The following GNG4 variants were observed in gnomAD, a reference collection of about 807,000 sequenced individuals.
GNG4 encodes the protein guanine nucleotide-binding protein G(I)/G(S)/G(O) subunit gamma-4.
In GNG4, 4 loss-of-function variants were observed where a neutral mutation model predicts 5.8. That is an observed-to-expected ratio of 0.69 (90% CI 0.34 to 1.57). The LOEUF is 1.57. GNG4 is among the 40% of genes most tolerant of loss of function. The pLI, the probability that GNG4 is intolerant of heterozygous loss-of-function variation, is 0.06. For synonymous variants in GNG4, 29 were observed against 32.9 expected, an observed-to-expected ratio of 0.88 and a Z score of 0.41; for missense variants, 96 against 95.1, an observed-to-expected ratio of 1.01 and a Z score of -0.04.
chr1:235,606,145 C>T (rs918981534), intron 1 of GNG4, among the ~76,000 whole-genome samples: 6 of 151,660 alleles, frequency 4.0e-5, no homozygotes, highest in Non-Finnish European at 5.9e-5. Flanking sequence ...ACAAGCAGAC[C>T]GAGGTGGGCG....
At chr1:235,634,921 C>T (rs1056274845) in intron 1 of GNG4, among the ~76,000 whole-genome samples, 5 of 151,458 alleles carry the variant, frequency 3.3e-5, no homozygotes, top group African/African-American at 1.2e-4. Context: ...GCGACAAGAG[C>T]AAAACTCTGT....
Position 235,580,845 on chromosome 1 carries a change from G to A in GNG4, c.99+2895C>T, listed in dbSNP as rs980878144. Among the ~76,000 whole-genome samples the A allele has an allele frequency of 2.7e-5, 4 of 149,058 alleles. No homozygotes were observed. The Admixed American group carries it at 2.8e-4, about 10-fold the overall frequency. ...GGCTCACTGCAAACTCCACCTCCTGGGTTTAAGTGATTCTTCTGCCTTAGC... is the reference window on the plus strand; with the variant it reads ...GGCTCACTGCAAACTCCACCTCCTGAGTTTAAGTGATTCTTCTGCCTTAGC... On this transcript the variant is annotated intron_variant, in intron 3 of 3. Transcript: ENST00000391854.
At chr1:235,580,208 G>A (rs1272122091) in intron 3 of GNG4, among the ~76,000 whole-genome samples, 1 of 152,212 alleles carries the variant, frequency 6.6e-6, no homozygotes, top group Non-Finnish European at 1.5e-5. Flanking sequence ...GATACCTAGT[G>A]TAGTCAGATT....
chr1:235,555,442 C>T (rs1043743552), intron 3 of GNG4, among the ~76,000 whole-genome samples: 1 of 152,176 alleles, frequency 6.6e-6, no homozygotes, highest in Non-Finnish European at 1.5e-5. Context: ...ATGCTACATG[C>T]ATCAGATGTA....
At chr1:235,635,645 C>T (rs1462369032) in intron 1 of GNG4, among the ~76,000 whole-genome samples, 1 of 32,656 alleles carries the variant, frequency 3.1e-5, no homozygotes, top group African/African-American at 1.7e-4. Context: ...CTAAATAAAC[C>T]TCTTTTCTTT....
chr1:235,589,537 C>T (rs12078759), intron 2 of GNG4, among the ~76,000 whole-genome samples: 58 of 152,274 alleles, frequency 3.8e-4, no homozygotes, highest in African/African-American at 1.3e-3. Context: ...CTTCAGCTAC[C>T]TGCCCATCCG....
At chr1:235,626,958 CAAAAAAAA>C (rs776506587) in intron 1 of GNG4, among the ~76,000 whole-genome samples, 3 of 77,354 alleles carry the variant, frequency 3.9e-5, no homozygotes, top group Admixed American at 1.4e-4. Flanking sequence ...GACTCTATCT[CAAAAAAAA>C]AAAAAAAAAA....
At chr1:235,620,011 C>T (rs1162134865) in intron 1 of GNG4, among the ~76,000 whole-genome samples, 1 of 152,146 alleles carries the variant, frequency 6.6e-6, no homozygotes, top group East Asian at 1.9e-4. Flanking sequence ...CTTTTGTGCA[C>T]AGCTATATTA....
chr1:235,568,179 C>T (rs1227471997), intron 3 of GNG4, among the ~76,000 whole-genome samples: 3 of 149,916 alleles, frequency 2.0e-5, no homozygotes, highest in African/African-American at 5.0e-5. Context: ...AAACCTATGA[C>T]TGCCTTGGCA....
chr1:235,593,214 G>A (rs968860853), intron 2 of GNG4, among the ~76,000 whole-genome samples: 1 of 152,096 alleles, frequency 6.6e-6, no homozygotes, highest in Non-Finnish European at 1.5e-5. Flanking sequence ...CTCCCAAATT[G>A]CTGGAATTCA....
intron 3 of GNG4, among the ~76,000 whole-genome samples, chr1:235,575,443 T>C (rs150523102): frequency 6.6e-6 from 1 of 152,302 alleles, no homozygotes; most frequent in East Asian, 1.9e-4. Flanking sequence ...TCACCTGAAA[T>C]TCCTCTCTTC....
At chr1:235,575,818 G>A (rs1433659907) in intron 3 of GNG4, among the ~76,000 whole-genome samples, 1 of 152,204 alleles carries the variant, frequency 6.6e-6, no homozygotes, top group Non-Finnish European at 1.5e-5. Context: ...GGCACCCTGA[G>A]GGATGGCACG....
chr1:235,569,117 G>A (rs1293448945), intron 3 of GNG4, among the ~76,000 whole-genome samples: 1 of 152,190 alleles, frequency 6.6e-6, no homozygotes, highest in African/African-American at 2.4e-5. Flanking sequence ...GTGAGCCACT[G>A]CACCTGGCCT....
chr1:235,580,759 T>G (rs1687613739), intron 3 of GNG4, among the ~76,000 whole-genome samples: 1 of 148,362 alleles, frequency 6.7e-6, no homozygotes, highest in Non-Finnish European at 1.5e-5. Context: ...TTTTTTTTTT[T>G]TTTTTTCCTG....
chr1:235,640,315 T>C (rs1015083181), intron 1 of GNG4, among the ~76,000 whole-genome samples: 3 of 152,100 alleles, frequency 2.0e-5, no homozygotes, highest in Non-Finnish European at 2.9e-5. Flanking sequence ...ATCATTTGGT[T>C]CAATGCATCT....
intron 1 of GNG4, among the ~76,000 whole-genome samples, chr1:235,632,217 G>T (rs1688945822): frequency 6.6e-6 from 1 of 152,130 alleles, no homozygotes; most frequent in South Asian, 2.1e-4. Context: ...TTCCTGAGGA[G>T]CTGGGATTAC....
At position 235,597,630 on chromosome 1, in the gene GNG4, A is replaced by G. The variant is rs35553457; in HGVS notation, c.-122-2119T>C. Among the ~76,000 whole-genome samples, 243 of 35,390 alleles carry G rather than the reference A, an allele frequency of 6.9e-3. 1 individual carries two copies. The highest frequency in any genetic ancestry group is 0.018 in the African/African-American group (195 of 10,668). The allele number at this position is 35,390 out of a possible 152,430, so 23.2% of individuals were successfully genotyped here. A position where few individuals can be genotyped will look rare whatever the true frequency, so the allele number is the denominator to read the frequency against. On this transcript the variant is annotated intron_variant, in intron 1 of 3. Transcript: ENST00000391854. ...TGTGTGTGTGTGTGTGTGTGTGTGT[A>G]TTTTTTTTTTTTTCAGATGGAGTCT...
Position 235,634,953 on chromosome 1 carries a change from C to CAA in GNG4, c.-123+14707_-123+14708dup, listed in dbSNP as rs11411720. ...CTGTCTCAAAAAACAAAAAACAAAA[C>CAA]AAAAAAAAGAAATACTTCCTTTGCT... is the stretch of plus-strand genomic sequence containing the variant. On this transcript the variant is annotated intron_variant, in intron 1 of 3. Coordinates refer to ENST00000391854, the MANE Select transcript of GNG4 (RefSeq NM_001098722.2). Among the ~76,000 whole-genome samples the CAA allele has an allele frequency of 2.5e-4, 37 of 146,338 alleles. 1 individual carries two copies. The highest frequency in any genetic ancestry group is 1.5e-3 in the Admixed American group (21 of 14,032).
chr1:235,639,613 A>T (rs1054289924), intron 1 of GNG4, among the ~76,000 whole-genome samples: 1 of 151,914 alleles, frequency 6.6e-6, no homozygotes, highest in Non-Finnish European at 1.5e-5. Context: ...GCACTATCTT[A>T]GCTCACTGCA....
Sources: allele counts gnomAD v4.1 joint callset (sites outside exome capture counted in the v4.1 genomes callset), GRCh38; gene constraint gnomAD v4.1.1; transcripts MANE v1.5; gene names NCBI Gene and HGNC (gene_info 2026-07-23, HGNC 2026-07-21).